Variants in LYPLAL1 observed in about 807,000 individuals in gnomAD.
LYPLAL1 encodes lysophospholipase-like protein 1.
A neutral mutation model predicts 19.7 loss-of-function variants in LYPLAL1; 23 were observed. The observed-to-expected ratio is 1.17, with a 90% CI of 0.84 to 1.65. The LOEUF (loss-of-function observed/expected upper bound fraction) is 1.65, where lower values mean the gene tolerates loss of function less well. Ranked by LOEUF, LYPLAL1 falls within the 40% of genes most tolerant of loss-of-function variation. The pLI is 0.00. For synonymous variants in LYPLAL1, 119 were observed against 96.3 expected (o/e 1.24, Z -1.38); for missense variants, 355 against 279.4 (o/e 1.27, Z -1.93).
the LYPLAL1 span, among the ~76,000 whole-genome samples, chr1:219,236,486 A>C: frequency 4.6e-5 from 7 of 152,188 alleles, no homozygotes; most frequent in African/African-American, 1.7e-4. Context: ...TTTTACTTTC[A>C]GGCATTAAGT....
chr1:219,208,689 G>C (rs1658765562), intron 3 of LYPLAL1, among the ~76,000 whole-genome samples: 1 of 151,412 alleles, frequency 6.6e-6, no homozygotes, highest in African/African-American at 2.4e-5. Context: ...TACCCTTAAG[G>C]GTTTCAAAAT....
chr1:219,215,294 T>C (rs1659250310), downstream of LYPLAL1, among the ~76,000 whole-genome samples: 1 of 152,164 alleles, frequency 6.6e-6, no homozygotes, highest in African/African-American at 2.4e-5. Flanking sequence ...TTTCCTATCT[T>C]CTTACTTGAA....
the LYPLAL1 span, among the ~76,000 whole-genome samples, chr1:219,442,104 G>A: frequency 6.6e-6 from 1 of 152,200 alleles, no homozygotes; most frequent in South Asian, 2.1e-4. Flanking sequence ...TTGCTTTGAG[G>A]ACTGAAAGCA....
chr1:219,224,306 A>G, the LYPLAL1 span, among the ~76,000 whole-genome samples: 2 of 152,240 alleles, frequency 1.3e-5, no homozygotes, highest in Non-Finnish European at 2.9e-5. Context: ...GGTAAGTCTA[A>G]CAACAGTATT....
chr1:219,402,246 AT>A, the LYPLAL1 span, among the ~76,000 whole-genome samples: 2 of 152,170 alleles, frequency 1.3e-5, no homozygotes, highest in African/African-American at 4.8e-5. Context: ...TATAAAAATC[AT>A]TTTTAAAATT....
chr1:219,231,495 TATA>T, the LYPLAL1 span, among the ~76,000 whole-genome samples: 1 of 152,204 alleles, frequency 6.6e-6, no homozygotes, highest in Non-Finnish European at 1.5e-5. Context: ...CATGTATGTA[TATA>T]ATATACATAT....
the LYPLAL1 span, among the ~76,000 whole-genome samples, chr1:219,369,383 T>C: frequency 6.6e-6 from 1 of 152,246 alleles, no homozygotes; most frequent in African/African-American, 2.4e-5. Context: ...GCAATTCTCC[T>C]GCCTCAGCCT....
chr1:219,234,889 G>A, the LYPLAL1 span, among the ~76,000 whole-genome samples: 1 of 151,970 alleles, frequency 6.6e-6, no homozygotes, highest in African/African-American at 2.4e-5. Context: ...CCTCTAATTT[G>A]GAGGCAAACT....
intron 3 of LYPLAL1, among the ~76,000 whole-genome samples, chr1:219,202,843 T>G (rs62966760): frequency 0.014 from 1 of 74 alleles, no homozygotes; most frequent in Non-Finnish European, 0.038. Flanking sequence ...GCCTGGCTGT[T>G]TTTTTTTTTG....
At chr1:219,183,364 TTC>T (rs1182439112) in intron 2 of LYPLAL1, among the ~76,000 whole-genome samples, 8 of 152,078 alleles carry the variant, frequency 5.3e-5, no homozygotes, top group Admixed American at 5.2e-4. Context: ...TACAAATACC[TTC>T]TCTTTGTGGT....
the LYPLAL1 span, among the ~76,000 whole-genome samples, chr1:219,420,407 G>C: frequency 3.3e-5 from 5 of 152,234 alleles, no homozygotes; most frequent in South Asian, 1.0e-3. Flanking sequence ...ATAATCCTAA[G>C]AAAAGATCAT....
At chr1:219,299,588 A>G in the LYPLAL1 span, among the ~76,000 whole-genome samples, 1 of 152,104 alleles carries the variant, frequency 6.6e-6, no homozygotes, top group Admixed American at 6.6e-5. Flanking sequence ...TGATTTGTCC[A>G]AGGACTTGCA....
At chr1:219,306,905 T>G in the LYPLAL1 span, among the ~76,000 whole-genome samples, 2 of 151,342 alleles carry the variant, frequency 1.3e-5, no homozygotes, top group Non-Finnish European at 2.9e-5. Context: ...CTCCTATTGG[T>G]CCTGTTTCTC....
At chr1:219,182,371 T>C (rs1446504584) in intron 2 of LYPLAL1, among the ~76,000 whole-genome samples, 1 of 152,114 alleles carries the variant, frequency 6.6e-6, no homozygotes, top group Non-Finnish European at 1.5e-5. Context: ...ATAGATTTAT[T>C]GTCGTTGCTT....
the LYPLAL1 span, among the ~76,000 whole-genome samples, chr1:219,445,080 A>C: frequency 2.0e-5 from 3 of 152,002 alleles, no homozygotes; most frequent in African/African-American, 7.3e-5. Context: ...AAAAAAAAAA[A>C]CAAGGACTTT....
chr1:219,283,436 G>A, the LYPLAL1 span, among the ~76,000 whole-genome samples: 19 of 152,302 alleles, frequency 1.2e-4, no homozygotes, highest in East Asian at 3.7e-3. Context: ...AGGAGAAGCA[G>A]AGCAGTTTAG....
At chr1:219,395,052 C>A in the LYPLAL1 span, among the ~76,000 whole-genome samples, 1 of 152,192 alleles carries the variant, frequency 6.6e-6, no homozygotes, top group Non-Finnish European at 1.5e-5. Flanking sequence ...GATTTAATGT[C>A]TTTGCTACTG....
intron 2 of LYPLAL1, among the ~76,000 whole-genome samples, chr1:219,190,543 C>T (rs12133746): frequency 7.3e-6 from 1 of 137,140 alleles, no homozygotes; most frequent in African/African-American, 2.7e-5. Flanking sequence ...GCAGGAGCTT[C>T]TTAAGCAAAT....
intron 3 of LYPLAL1, among the ~76,000 whole-genome samples, chr1:219,206,072 T>C (rs1456488717): frequency 6.6e-6 from 1 of 152,150 alleles, no homozygotes. Context: ...ATGTTTAAAG[T>C]TCTTTTCAGT....
Sources: gnomAD v4.1 joint callset for allele counts (sites outside exome capture counted in the v4.1 genomes callset) on GRCh38, gnomAD v4.1.1 for gene constraint, MANE v1.5 for transcripts, NCBI Gene and HGNC (gene_info 2026-07-23, HGNC 2026-07-21) for gene names.